CELF2: variants seen among roughly 807,000 people sequenced by gnomAD.
The protein encoded by CELF2 is CUG triplet repeat RNA-binding protein 2.
In CELF2, 8 loss-of-function variants were observed where a neutral mutation model predicts 62.6. The observed-to-expected ratio is 0.13, with a 90% CI of 0.07 to 0.23. The LOEUF is 0.23. CELF2 is among the 10% of genes least tolerant of loss of function. CELF2 has a pLI of 1.00. For missense variants in CELF2, 333 were observed against 671.0 expected, an observed-to-expected ratio of 0.50 and a Z score of 5.56; for synonymous variants, 258 against 250.0, an observed-to-expected ratio of 1.03 and a Z score of -0.30.
chr10:10,886,929 G>A (rs2061789662), intron 1 of CELF2, among the ~76,000 whole-genome samples: 1 of 152,160 alleles, frequency 6.6e-6, no homozygotes, highest in South Asian at 2.1e-4. Flanking sequence ...CACAGAAATT[G>A]CATTTCTAGA....
the CELF2 span, among the ~76,000 whole-genome samples, chr10:10,733,789 C>T: frequency 6.6e-6 from 1 of 152,144 alleles, no homozygotes; most frequent in Non-Finnish European, 1.5e-5. Context: ...CAATCGTCTC[C>T]CACTGGGTCC....
intron 1 of CELF2, among the ~76,000 whole-genome samples, chr10:11,118,283 T>C (rs1204054452): frequency 6.6e-6 from 1 of 152,108 alleles, no homozygotes; most frequent in Non-Finnish European, 1.5e-5. Flanking sequence ...GTGTACTGTT[T>C]TCAATAGGTC....
intron 2 of CELF2, among the ~76,000 whole-genome samples, chr10:11,180,391 C>T (rs2072910276): frequency 6.6e-6 from 1 of 152,210 alleles, no homozygotes; most frequent in African/African-American, 2.4e-5. Flanking sequence ...TTCCCCACGC[C>T]TCTGCTTCCT....
the CELF2 span, among the ~76,000 whole-genome samples, chr10:10,493,779 G>A: frequency 1.3e-4 from 20 of 152,122 alleles, no homozygotes; most frequent in Admixed American, 2.0e-4. Context: ...TGATCCACCC[G>A]CCTCGGCCTC....
the CELF2 span, among the ~76,000 whole-genome samples, chr10:10,772,947 T>C: frequency 6.6e-6 from 1 of 152,234 alleles, no homozygotes; most frequent in African/African-American, 2.4e-5. Context: ...AATTTTTATA[T>C]AGTAGAAGAA....
At chr10:10,566,804 G>A in the CELF2 span, among the ~76,000 whole-genome samples, 1 of 152,124 alleles carries the variant, frequency 6.6e-6, no homozygotes, top group South Asian at 2.1e-4. Flanking sequence ...CTATCATATT[G>A]TGATGTTATC....
At chr10:11,058,828 T>C (rs2065998690) in intron 1 of CELF2, among the ~76,000 whole-genome samples, 1 of 152,206 alleles carries the variant, frequency 6.6e-6, no homozygotes, top group Non-Finnish European at 1.5e-5. Context: ...TTGCCCATGC[T>C]GGAGTGCAGT....
intron 1 of CELF2, among the ~76,000 whole-genome samples, chr10:11,161,558 C>T (rs1222769514): frequency 6.6e-6 from 1 of 152,232 alleles, no homozygotes; most frequent in Admixed American, 6.5e-5. Flanking sequence ...TTGGGTTCAT[C>T]TCCAAAACAG....
chr10:11,291,400 TA>T lies in CELF2; in HGVS notation c.976+2857del, dbSNP rs921394901. ...TGAAAGATTAAGTCTTAATTTTTGT[TA>T]AAAAAAAATCCCCTCAGGCAATAAA... On this transcript the variant is annotated intron_variant, in intron 9 of 12. Coordinates refer to ENST00000633077, the MANE Select transcript of CELF2 (RefSeq NM_001326342.2). 1.8e-3 allele frequency among the ~76,000 whole-genome samples: 272 copies of T among 151,836 alleles called. 4 individuals are homozygous for T. Among genetic ancestry groups the T allele is most frequent in the African/African-American group, 6.0e-3 (250 of 41,454 alleles).
intron 1 of CELF2, among the ~76,000 whole-genome samples, chr10:11,078,845 T>A (rs796089834): frequency 6.6e-5 from 10 of 152,332 alleles, no homozygotes; most frequent in African/African-American, 2.4e-4. Context: ...ATGGTGCTAT[T>A]GGGCACATCC....
intron 1 of CELF2, among the ~76,000 whole-genome samples, chr10:11,149,733 G>C (rs1214460431): frequency 6.6e-6 from 1 of 152,112 alleles, no homozygotes; most frequent in African/African-American, 2.4e-5. Flanking sequence ...GATTCTTTGG[G>C]TTGCTAACGA....
intron 1 of CELF2, among the ~76,000 whole-genome samples, chr10:11,093,127 G>T (rs2048783779): frequency 6.6e-6 from 1 of 152,174 alleles, no homozygotes; most frequent in Non-Finnish European, 1.5e-5. Flanking sequence ...ACTTGTAATT[G>T]TCTCCTCTAG....
the CELF2 span, among the ~76,000 whole-genome samples, chr10:10,520,506 A>G: frequency 1.1e-4 from 17 of 152,170 alleles, no homozygotes; most frequent in Admixed American, 1.1e-3. Context: ...CTACTCAGCT[A>G]GTGATTCAAT....
chr10:10,941,364 G>A (rs1320590664), intron 2 of CELF2, among the ~76,000 whole-genome samples: 4 of 152,102 alleles, frequency 2.6e-5, no homozygotes, highest in African/African-American at 9.7e-5. Flanking sequence ...GAGGAGTGTG[G>A]GAATTCAGTC....
In CELF2 at chr10:11,165,310, A is replaced by G. The variant is rs2066739201; in HGVS notation, c.75-176A>G. The G allele has an allele frequency of 1.4e-6, 2 of 1,405,854 alleles. No individual in the cohort carries two copies. Among genetic ancestry groups the G allele is most frequent in the Admixed American group, 6.2e-5 (2 of 32,314 alleles). The allele number at this position is 1,405,854 out of a possible 1,614,324, so 87.1% of individuals were successfully genotyped here. A position where few individuals can be genotyped will look rare whatever the true frequency, so the allele number is the denominator to read the frequency against. ...GAGAGCCTCGCCGCCGCCGAGGAGCAACTCATGGTGCCTCCGCTTTGTTTT... is the reference window on the plus strand; with the variant it reads ...GAGAGCCTCGCCGCCGCCGAGGAGCGACTCATGGTGCCTCCGCTTTGTTTT... On this transcript the variant is annotated intron_variant, in intron 1 of 12. Transcript: ENST00000633077. The surrounding 1 kb of genome is among the most constrained non-coding windows in gnomAD (Gnocchi z 7.4).
the CELF2 span, among the ~76,000 whole-genome samples, chr10:10,723,955 C>G: frequency 7.2e-5 from 11 of 151,980 alleles, no homozygotes; most frequent in Non-Finnish European, 1.6e-4. Flanking sequence ...TCCAATGTAC[C>G]AGTAATCTTT....
At chr10:10,522,145 G>A in the CELF2 span, among the ~76,000 whole-genome samples, 1 of 152,252 alleles carries the variant, frequency 6.6e-6, no homozygotes, top group Non-Finnish European at 1.5e-5. Flanking sequence ...TCTTTTTCTT[G>A]GAGCCAAAAT....
chr10:11,251,376 T>C (rs963952840), intron 4 of CELF2, among the ~76,000 whole-genome samples: 8 of 150,518 alleles, frequency 5.3e-5, no homozygotes, highest in Non-Finnish European at 2.9e-5. Flanking sequence ...GCAGAGTGTT[T>C]TGTTGTTCTT....
chr10:11,102,752 C>A (rs1444861096), intron 1 of CELF2, among the ~76,000 whole-genome samples: 1 of 152,194 alleles, frequency 6.6e-6, no homozygotes, highest in Non-Finnish European at 1.5e-5. Context: ...CTCATTTCCC[C>A]CTTTCTTTCT....
Sources: gnomAD v4.1 joint callset for allele counts (sites outside exome capture counted in the v4.1 genomes callset) on GRCh38, gnomAD v4.1.1 for gene constraint, Gnocchi (gnomAD v3.1) non-coding constraint, MANE v1.5 for transcripts, NCBI Gene and HGNC (gene_info 2026-07-23, HGNC 2026-07-21) for gene names.